FRMD4B: variants seen among roughly 807,000 people sequenced by gnomAD.
The protein encoded by FRMD4B is FERM domain-containing protein 4B.
A neutral mutation model predicts 141.5 loss-of-function variants in FRMD4B; 74 were observed. The ratio of observed to expected loss-of-function variants is 0.52; its 90% confidence interval spans 0.43 to 0.63. The LOEUF is 0.63. Among genes scored for constraint, FRMD4B ranks in the 30% least tolerant of loss-of-function variants. The pLI is 0.00. For missense variants in FRMD4B, 1,366 were observed against 1,253.4 expected, an observed-to-expected ratio of 1.09 and a Z score of -1.36; for synonymous variants, 506 against 467.9, an observed-to-expected ratio of 1.08 and a Z score of -1.05.
At chr3:69,536,181 T>G (rs781700152) in intron 1 of FRMD4B, 18 of 557,274 alleles carry the variant, frequency 3.2e-5, no homozygotes, top group Non-Finnish European at 5.3e-5. Context: ...GCTGCCTTCT[T>G]CACCTTGCCC....
At chr3:69,471,011 A>G (rs377005572) in intron 1 of FRMD4B, among the ~76,000 whole-genome samples, 3 of 152,090 alleles carry the variant, frequency 2.0e-5, no homozygotes, top group Admixed American at 1.3e-4. Flanking sequence ...TTTTGCCAAC[A>G]CTCTAATTCT....
intron 1 of FRMD4B, among the ~76,000 whole-genome samples, chr3:69,483,246 T>A (rs374555822): frequency 6.6e-6 from 1 of 152,224 alleles, no homozygotes; most frequent in African/African-American, 2.4e-5. Flanking sequence ...AGTGTGAGAA[T>A]AACAGTCAAA....
intron 1 of FRMD4B, chr3:69,334,005 C>T (rs1213367613): frequency 6.6e-6 from 1 of 152,208 alleles, no homozygotes; most frequent in Non-Finnish European, 1.5e-5. Flanking sequence ...AAGGGTAAAT[C>T]TCTTGCATCC....
intron 11 of FRMD4B, among the ~76,000 whole-genome samples, chr3:69,208,618 C>T (rs2093046930): frequency 6.6e-6 from 1 of 152,206 alleles, no homozygotes; most frequent in Non-Finnish European, 1.5e-5. Context: ...TTAAACATCA[C>T]CTTCCTCAGA....
At chr3:69,177,705 G>A (rs771970900) in intron 21 of FRMD4B, among the ~76,000 whole-genome samples, 32 of 152,096 alleles carry the variant, frequency 2.1e-4, no homozygotes, top group Non-Finnish European at 3.8e-4. Flanking sequence ...GAAAAGACAA[G>A]CAAGAAAACA....
chr3:69,398,836 C>A (rs1021396890), intron 2 of FRMD4B, among the ~76,000 whole-genome samples: 2 of 152,178 alleles, frequency 1.3e-5, no homozygotes, highest in Non-Finnish European at 2.9e-5. Flanking sequence ...CCCAAAGATA[C>A]AAACTTCCTA....
intron 1 of FRMD4B, among the ~76,000 whole-genome samples, chr3:69,527,467 A>G (rs1411693511): frequency 2.6e-5 from 4 of 152,228 alleles, no homozygotes; most frequent in African/African-American, 7.2e-5. Context: ...CCAACAGTCC[A>G]GCCAAAAGCA....
chr3:69,190,000 T>C lies in FRMD4B; in HGVS notation c.1715-48A>G, dbSNP rs776723933. The C allele has an allele frequency of 3.8e-6, 4 of 1,059,402 alleles. No homozygotes were observed. The South Asian group carries it at 4.0e-5, about 11-fold the overall frequency. 65.6% of individuals were successfully genotyped at this position (1,059,402 alleles called of 1,614,324 possible). A position where few individuals can be genotyped will look rare whatever the true frequency, so the allele number is the denominator to read the frequency against. On this transcript the variant is annotated intron_variant, in intron 17 of 22. Coordinates refer to ENST00000398540, the MANE Select transcript of FRMD4B (RefSeq NM_015123.3). ...TTAGTACAATTGTGCATTTATACAA[T>C]TAGAGGGGTCTTAGATAAACAATTT...
intron 1 of FRMD4B, among the ~76,000 whole-genome samples, chr3:69,504,184 T>C (rs1276820436): frequency 6.6e-6 from 1 of 152,228 alleles, no homozygotes; most frequent in African/African-American, 2.4e-5. Context: ...CTCTTTTTAA[T>C]GGCAGTAAAG....
chr3:69,461,623 CAAAA>C lies in FRMD4B; in HGVS notation c.-128-28866_-128-28863del, dbSNP rs58143332. ...TGGAGGACAAAGTGAGACTCTGTCT[CAAAA>C]AAAAAAAAAAAAAAAAAAAAAGAAA... is the stretch of plus-strand genomic sequence containing the variant. On this transcript the variant is annotated intron_variant, in intron 1 of 5. Coordinates refer to the FRMD4B transcript ENST00000459638. Among the ~76,000 whole-genome samples, 215 of 43,440 alleles carry C rather than the reference CAAAA, an allele frequency of 4.9e-3. 1 individual carries two copies. Among genetic ancestry groups the C allele is most frequent in the African/African-American group, 0.018 (203 of 11,478 alleles). 28.5% of individuals were successfully genotyped at this position (43,440 alleles called of 152,430 possible).
intron 1 of FRMD4B, among the ~76,000 whole-genome samples, chr3:69,479,889 G>A (rs1190098368): frequency 6.6e-6 from 1 of 152,134 alleles, no homozygotes; most frequent in African/African-American, 2.4e-5. Context: ...CATATTTCTT[G>A]GAGGCTTTGT....
At chr3:69,406,114 A>ATT (rs1704644966) in intron 2 of FRMD4B, among the ~76,000 whole-genome samples, 1 of 152,150 alleles carries the variant, frequency 6.6e-6, no homozygotes, top group Non-Finnish European at 1.5e-5. Flanking sequence ...AAAGGCACTC[A>ATT]CCCTTGCACT....
intron 1 of FRMD4B, among the ~76,000 whole-genome samples, chr3:69,326,077 T>C (rs1702180381): frequency 6.6e-6 from 1 of 151,462 alleles, no homozygotes; most frequent in Non-Finnish European, 1.5e-5. Flanking sequence ...GCCTCCCAAG[T>C]AAATGGAACT....
rs988884484 is a variant in FRMD4B at position 69,458,560 on chromosome 3, T to A, written c.-128-25799A>T. ...GAAGGTGGACATTTGATGGGCTAAT[T>A]AACCATGTTACAGGATTTGAAGATT... On this transcript the variant is annotated intron_variant, in intron 1 of 5. Coordinates refer to the FRMD4B transcript ENST00000459638. Among the ~76,000 whole-genome samples the A allele has an allele frequency of 3.9e-5, 6 of 152,202 alleles. No homozygotes were observed. In the South Asian group the frequency reaches 6.2e-4, roughly 16 times the overall value.
At chr3:69,519,541 C>A (rs1183916334) in intron 1 of FRMD4B, among the ~76,000 whole-genome samples, 2 of 152,140 alleles carry the variant, frequency 1.3e-5, no homozygotes, top group Non-Finnish European at 2.9e-5. Context: ...AGCCTGCTGG[C>A]TTTTTGGCTG....
chr3:69,420,888 CAAT>C (rs1180785595), intron 2 of FRMD4B, among the ~76,000 whole-genome samples: 1 of 152,304 alleles, frequency 6.6e-6, no homozygotes, highest in East Asian at 1.9e-4. Flanking sequence ...AAATGACCAA[CAAT>C]ATGTTACCAG....
chr3:69,258,808 C>A (rs144521042), intron 5 of FRMD4B, among the ~76,000 whole-genome samples: 1 of 152,232 alleles, frequency 6.6e-6, no homozygotes, highest in East Asian at 1.9e-4. Flanking sequence ...GGACCTATCT[C>A]CCCACTGGAA....
At chr3:69,352,644 A>G (rs1703186773) in intron 1 of FRMD4B, among the ~76,000 whole-genome samples, 2 of 152,198 alleles carry the variant, frequency 1.3e-5, no homozygotes, top group Admixed American at 1.3e-4. Flanking sequence ...TAACCACATT[A>G]CAAGGCAGCA....
chr3:69,480,802 T>C (rs1262648403), intron 1 of FRMD4B, among the ~76,000 whole-genome samples: 2 of 152,348 alleles, frequency 1.3e-5, no homozygotes, highest in East Asian at 3.9e-4. Context: ...GTCTCTGCCC[T>C]GCCCCCAGAG....
Sources: allele counts gnomAD v4.1 joint callset (sites outside exome capture counted in the v4.1 genomes callset), GRCh38; gene constraint gnomAD v4.1.1; transcripts MANE v1.5; gene names NCBI Gene and HGNC (gene_info 2026-07-23, HGNC 2026-07-21).